Variants in UGGT2 observed in about 807,000 individuals in gnomAD.
The protein encoded by UGGT2 is UDP-glucose glycoprotein glucosyltransferase 2, also known as UDP-glucose:glycoprotein glucosyltransferase 2.
A neutral mutation model predicts 192.1 loss-of-function variants in UGGT2; 180 were observed. That is an observed-to-expected ratio of 0.94 (90% confidence interval 0.83 to 1.06). The LOEUF (loss-of-function observed/expected upper bound fraction) is 1.06. Among genes scored for constraint, UGGT2 ranks in the 50% least tolerant of loss-of-function variants. UGGT2 has a pLI of 0.00. For missense variants in UGGT2, 1,849 were observed against 1,795.7 expected, an observed-to-expected ratio of 1.03 and a Z score of -0.54; for synonymous variants, 580 against 591.0, an observed-to-expected ratio of 0.98 and a Z score of 0.27.
chr13:95,817,312 C>T (rs1171971601), intron 38 of UGGT2, among the ~76,000 whole-genome samples: 1 of 152,154 alleles, frequency 6.6e-6, no homozygotes, highest in Non-Finnish European at 1.5e-5. Context: ...AGATCACGTG[C>T]AGTGCCTCAG....
chr13:95,887,847 C>A (rs1594238656), intron 26 of UGGT2, 45 bp downstream of exon 26: 2 of 1,195,824 alleles, frequency 1.7e-6, no homozygotes, highest in East Asian at 4.7e-5. Flanking sequence ...TTCTTCTCAG[C>A]ATTTACAAAT....
chr13:95,830,923 A>T (rs994463640), intron 38 of UGGT2, among the ~76,000 whole-genome samples: 5 of 152,336 alleles, frequency 3.3e-5, no homozygotes, highest in Admixed American at 3.3e-4. Flanking sequence ...TGTGGCACAT[A>T]TACACCACGG....
At chr13:95,810,682 G>A (rs897179266) in intron 38 of UGGT2, among the ~76,000 whole-genome samples, 7 of 152,006 alleles carry the variant, frequency 4.6e-5, no homozygotes, top group Non-Finnish European at 7.4e-5. Context: ...GGACCTGTGC[G>A]GTTCAAACCT....
chr13:95,877,945 T>C lies in UGGT2; in HGVS notation c.3229-89A>G, dbSNP rs1334514689. The stretch of plus-strand genomic sequence containing the variant: ...TAAATAAATGTGATTATTTTAATAT[T>C]GGCCAATGTATTTTGGTGGCTAACT... On this transcript the variant is annotated intron_variant, in intron 27 of 38. Coordinates refer to ENST00000376747, the MANE Select transcript of UGGT2 (RefSeq NM_020121.4). The C allele has an allele frequency of 9.6e-6, 13 of 1,350,766 alleles. No individual in the cohort carries two copies. In the African/African-American group the frequency reaches 1.2e-4, roughly 12 times the overall value. 83.7% of individuals were successfully genotyped at this position (1,350,766 alleles called of 1,614,324 possible).
At chr13:96,034,757 G>A (rs985488816) in intron 1 of UGGT2, among the ~76,000 whole-genome samples, 1 of 152,206 alleles carries the variant, frequency 6.6e-6, no homozygotes, top group African/African-American at 2.4e-5. Flanking sequence ...CAAAGCTGGT[G>A]CCTGTGCCAG....
intron 27 of UGGT2, among the ~76,000 whole-genome samples, chr13:95,880,762 T>C (rs1304930871): frequency 6.6e-6 from 1 of 152,062 alleles, no homozygotes; most frequent in Non-Finnish European, 1.5e-5. Context: ...AGCACAAGAG[T>C]AGAAGATGAT....
At chr13:95,988,218 G>C (rs540755153) in intron 8 of UGGT2, among the ~76,000 whole-genome samples, 1 of 152,020 alleles carries the variant, frequency 6.6e-6, no homozygotes, top group Admixed American at 6.6e-5. Context: ...TCTGTAAAAA[G>C]TCCCTTTATT....
chr13:95,817,147 G>GT, intron 38 of UGGT2, among the ~76,000 whole-genome samples: 1 of 152,154 alleles, frequency 6.6e-6, no homozygotes, highest in Non-Finnish European at 1.5e-5. Flanking sequence ...TCACTAAACT[G>GT]TAAGCTTAAA....
chr13:95,982,658 A>G (rs1010079213), intron 10 of UGGT2, among the ~76,000 whole-genome samples: 3 of 151,994 alleles, frequency 2.0e-5, no homozygotes, highest in Non-Finnish European at 4.4e-5. Context: ...AGAGAGAGAG[A>G]GCTGTTCTCC....
chr13:95,863,653 T>C lies in UGGT2; in HGVS notation c.3620A>G (p.Lys1207Arg). 2 of 1,612,268 alleles carry C rather than the reference T, an allele frequency of 1.2e-6. No individual in the cohort carries two copies. Among genetic ancestry groups the C allele is most frequent in the Non-Finnish European group, 1.7e-6 (2 of 1,178,686 alleles). Residue 1207 changes from lysine to arginine, a missense_variant, in exon 31 of 39, where the codon AAA (lysine) becomes AGA (arginine). By Grantham distance (26) the Lys-to-Arg change is conservative. Transcript: ENST00000376747. ...CCTTTTAATGGAATCCCACAGTCCT[T>C]TTGTTTTTTCATCTTCATCGGTAAG... is the stretch of plus-strand genomic sequence containing the variant. ...DILTDEDEKT[K>R]GLWDSIKSFT...
chr13:96,030,583 C>T (rs578071191), intron 2 of UGGT2, among the ~76,000 whole-genome samples: 8 of 152,316 alleles, frequency 5.3e-5, no homozygotes, highest in Admixed American at 2.0e-4. Flanking sequence ...AAACAGGCTT[C>T]AGTAAATGAG....
At chr13:95,927,153 A>G in intron 18 of UGGT2, 27 bp from the exon 19 acceptor site, 1 of 1,605,230 alleles carries the variant, frequency 6.2e-7, no homozygotes, top group Non-Finnish European at 8.5e-7. Flanking sequence ...TAAACGTTAA[A>G]TATAAATAAA....
chr13:95,846,236 G>C (rs1309473030), intron 36 of UGGT2, among the ~76,000 whole-genome samples: 2 of 152,180 alleles, frequency 1.3e-5, no homozygotes, highest in Non-Finnish European at 1.5e-5. Context: ...CAGCCTGGCC[G>C]ACACGGCGAA....
At chr13:95,814,377 G>T (rs1884717132) in intron 38 of UGGT2, among the ~76,000 whole-genome samples, 1 of 152,182 alleles carries the variant, frequency 6.6e-6, no homozygotes, top group Non-Finnish European at 1.5e-5. Flanking sequence ...CTTGGATGTG[G>T]GACATGGAGT....
intron 13 of UGGT2, among the ~76,000 whole-genome samples, chr13:95,948,777 AG>A (rs2049964413): frequency 6.6e-6 from 1 of 152,220 alleles, no homozygotes. Flanking sequence ...AGGGCTAAAG[AG>A]TAAGAGGCAG....
chr13:95,851,666 C>A (rs1303174786), intron 36 of UGGT2, among the ~76,000 whole-genome samples: 4 of 152,036 alleles, frequency 2.6e-5, no homozygotes, highest in Admixed American at 6.6e-5. Flanking sequence ...ACATTTTTAC[C>A]TAAGAAAAAA....
chr13:95,908,525 T>C (rs1406129218), intron 20 of UGGT2, among the ~76,000 whole-genome samples: 3 of 152,182 alleles, frequency 2.0e-5, no homozygotes, highest in Non-Finnish European at 2.9e-5. Context: ...ATCGCCACAC[T>C]GACTTCCACA....
At chr13:95,941,897 T>A (rs1280896124) in intron 15 of UGGT2, among the ~76,000 whole-genome samples, 1 of 152,186 alleles carries the variant, frequency 6.6e-6, no homozygotes, top group Non-Finnish European at 1.5e-5. Context: ...ATGCAAGCAT[T>A]GTTTTGAATT....
At chr13:96,033,285 T>A (rs968747914) in intron 1 of UGGT2, among the ~76,000 whole-genome samples, 33 of 152,170 alleles carry the variant, frequency 2.2e-4, no homozygotes, top group Non-Finnish European at 4.7e-4. Context: ...GAGTGGCAGC[T>A]GCAAAAACGC....
Sources: allele counts gnomAD v4.1 joint callset (sites outside exome capture counted in the v4.1 genomes callset), GRCh38; gene constraint gnomAD v4.1.1; transcripts MANE v1.5; gene names NCBI Gene and HGNC (gene_info 2026-07-23, HGNC 2026-07-21).